The following OBSL1 variants were observed in gnomAD, a reference collection of about 807,000 sequenced individuals.
OBSL1 encodes the protein obscurin-like protein 1.
OBSL1 carries 160 observed loss-of-function variants against 172.0 expected under a neutral mutation model. The observed-to-expected ratio is 0.93, with a 90% CI of 0.82 to 1.06. The LOEUF (loss-of-function observed/expected upper bound fraction) is 1.06, where lower values mean the gene tolerates loss of function less well. Ranked by LOEUF, OBSL1 falls within the 50% of genes least tolerant of loss-of-function variation. The probability of loss-of-function intolerance (pLI) is 0.00; values close to 1 mark genes in which losing one functional copy is unlikely to be tolerated. For synonymous variants in OBSL1, 1,200 were observed against 1,196.3 expected (o/e 1.00, Z -0.06); for missense variants, 2,681 against 2,715.4 (o/e 0.99, Z 0.28).
Position 219,554,579 on chromosome 2 carries a change from C to G in OBSL1, c.4771G>C (p.Gly1591Arg). ...TTGAGTACCAGTCGGTGACGGTGGC[C>G]GTCCGAGTGGATGTGACACTTGGGT... ...PGPKCHIHSD[G>R]HRHRLVLNGL... The change falls in exon 15 of 21, where the codon GGC becomes CGC. Residue 1591 changes from glycine to arginine, a missense_variant. Physicochemically the swap from Gly to Arg is moderately radical, Grantham distance 125. Around this residue, in one of 5 missense-constraint regions of OBSL1, gnomAD observed 1,765 missense variants for 1,748.3 expected, o/e 1.01. Coordinates refer to ENST00000404537, the MANE Select transcript of OBSL1 (RefSeq NM_015311.3). The G allele has an allele frequency of 6.2e-7, 1 of 1,613,334 alleles. No individual in the cohort carries two copies. Among genetic ancestry groups the G allele is most frequent in the African/African-American group, 1.3e-5 (1 of 75,038 alleles).
chr2:219,557,542 C>T lies in OBSL1; in HGVS notation c.3867G>A (p.Leu1289=). ...VRSTPGGDLE[L]VVHLSGPGGP... ...CCCCTGGCCCGGAGAGGTGCACCAC[C>T]AGCTCTAGGTCCCCGCCTGGGGTGC... The change falls in exon 12 of 21, where the codon CTG becomes CTA. Residue 1289 remains leucine (L), a synonymous_variant. Transcript: ENST00000404537. 1 of 1,553,516 alleles carries T rather than the reference C, an allele frequency of 6.4e-7. No individual in the cohort carries two copies. Among genetic ancestry groups the T allele is most frequent in the East Asian group, 2.4e-5 (1 of 41,116 alleles).
At position 219,567,345 on chromosome 2, in the gene OBSL1, G is replaced by A; in HGVS notation, c.1765C>T (p.Arg589Cys). ...CCGCTGACTGTGCAGATGCGGAAGCGGTAGTCACCCTCGGAGGGCACACAG... is the reference window on the plus strand; with the variant it reads ...CCGCTGACTGTGCAGATGCGGAAGCAGTAGTCACCCTCGGAGGGCACACAG... ...GDCVPSEGDY[R>C]FRICTVSGHG... The change falls in exon 4 of 21, where the codon CGC becomes TGC. Residue 589 changes from arginine to cysteine, a missense_variant. Physicochemically the swap from Arg to Cys is radical, Grantham distance 180. Coordinates refer to ENST00000404537, the MANE Select transcript of OBSL1 (RefSeq NM_015311.3). 3.7e-6 allele frequency: 6 copies of A among 1,611,282 alleles called. No individual in the cohort carries two copies. The highest frequency in any genetic ancestry group is 5.1e-6 in the Non-Finnish European group (6 of 1,178,126).
At chr2:219,552,280 G>A in intron 18 of OBSL1, 64 bp from the exon 19 acceptor site, 1 of 1,453,430 alleles carries the variant, frequency 6.9e-7, no homozygotes, top group Non-Finnish European at 9.4e-7. Context: ...GGACGAAGGT[G>A]GGGGCCCAGC....
rs749299935 is a variant in OBSL1, at chr2:219,562,609, C to G, written c.2746G>C (p.Val916Leu). The G allele has an allele frequency of 1.8e-5, 29 of 1,606,134 alleles. No individual in the cohort carries two copies. The highest frequency in any genetic ancestry group is 2.4e-5 in the Non-Finnish European group (28 of 1,176,714). Residue 916 changes from valine (V) to leucine (L), a missense_variant, in exon 8 of 21, where the codon GTG (valine) becomes CTG (leucine). This residue lies in a region of OBSL1 where 1,765 missense variants were observed against 1,748.3 expected (regional missense o/e 1.01). Transcript: ENST00000404537. ...VYVAAVRLER[V>L]VLTCELCRPW... Reference sequence around the variant, plus strand: ...CGGCATAGCTCACAGGTCAGCACCACACGCTCCAGGCGCACGGCTGCCACA... The same window carrying G: ...CGGCATAGCTCACAGGTCAGCACCAGACGCTCCAGGCGCACGGCTGCCACA...
At position 219,570,402 on chromosome 2, in the gene OBSL1, G is replaced by T. The variant is rs747467482; in HGVS notation, c.831C>A (p.Ile277=). ...CYVMGKPEPE[I]EWHWEGRPLL... ...GCGGGCGGCCCTCCCAGTGCCATTCGATCTCGGGCTCGGGCTTGCCCATCA... is the reference window on the plus strand; with the variant it reads ...GCGGGCGGCCCTCCCAGTGCCATTCTATCTCGGGCTCGGGCTTGCCCATCA... Residue 277 remains isoleucine, a synonymous_variant, in exon 1 of 21, where the codon ATC becomes ATA. Transcript: ENST00000404537. 11 of 1,613,304 alleles carry T rather than the reference G, an allele frequency of 6.8e-6. No homozygotes were observed. In the Admixed American group the frequency reaches 1.8e-4, roughly 27 times the overall value.
Position 219,552,304 on chromosome 2 carries a change from G to T in OBSL1, c.5309-88C>A, listed in dbSNP as rs959747730. On this transcript the variant is annotated intron_variant, in intron 18 of 20. Coordinates refer to ENST00000404537, the MANE Select transcript of OBSL1 (RefSeq NM_015311.3). Reference sequence around the variant, plus strand: ...TGGGGGCCCAGCAGGCCCCTGGGTCGGTTCGGACGCCGTTAGTGTATGCTA... The same window carrying T: ...TGGGGGCCCAGCAGGCCCCTGGGTCTGTTCGGACGCCGTTAGTGTATGCTA... 46 of 1,257,182 alleles carry T rather than the reference G, an allele frequency of 3.7e-5. No individual in the cohort carries two copies. The Admixed American group carries it at 5.5e-4, about 15-fold the overall frequency. 77.9% of individuals were successfully genotyped at this position (1,257,182 alleles called of 1,614,324 possible).
chr2:219,553,032 C>A lies in OBSL1; in HGVS notation c.4990-8G>T. ...CGTAAGCGCGTTCCCGTCCTAGGGG[C>A]GGGAGTTGCAGAGGGTCGGGGCGAG... On this transcript the variant is annotated splice_region_variant and splice_polypyrimidine_tract_variant and intron_variant, in intron 16 of 20. Transcript: ENST00000404537. The A allele has an allele frequency of 6.7e-7, 1 of 1,498,222 alleles. No individual in the cohort carries two copies. The allele number at this position is 1,498,222 out of a possible 1,614,324, so 92.8% of individuals were successfully genotyped here.
chr2:219,553,778 C>CAGTAGAGGACACTAGCGAGTGGGGTTCG, intron 15 of OBSL1, 92 bp from the exon 16 acceptor site: 1 of 766,522 alleles, frequency 1.3e-6, no homozygotes, highest in East Asian at 2.8e-5. Context: ...GCACAACAGG[C>CAGTAGAGGACACTAGCGAGTGGGGTTCG]AGTAGAGGAC....
chr2:219,567,265 C>G lies in OBSL1; in HGVS notation c.1837+8G>C, dbSNP rs752595605. 18 of 1,583,974 alleles carry G rather than the reference C, an allele frequency of 1.1e-5. No homozygotes were observed. The highest frequency in any genetic ancestry group is 1.6e-5 in the Non-Finnish European group (18 of 1,161,024). On this transcript the variant is annotated splice_region_variant and intron_variant, in intron 4 of 20. Transcript: ENST00000404537. Reference sequence around the variant, plus strand: ...AAGTGATGGGTGGGTCTGGCAGGACCAACTCACCAAGGTGAGCAGAACCGT... The same window carrying G: ...AAGTGATGGGTGGGTCTGGCAGGACGAACTCACCAAGGTGAGCAGAACCGT...
intron 14 of OBSL1, 55 bp from the exon 15 acceptor site, chr2:219,554,795 T>A: frequency 6.7e-7 from 1 of 1,493,194 alleles, no homozygotes; most frequent in Non-Finnish European, 9.0e-7. Context: ...TGGGCAGGGG[T>A]TGCAGTCAAT....
rs1325932688 is a variant in OBSL1, at chr2:219,558,303, T to C, written c.3383A>G (p.Gln1128Arg). 1 of 1,612,472 alleles carries C rather than the reference T, an allele frequency of 6.2e-7. No individual in the cohort carries two copies. Among genetic ancestry groups the C allele is most frequent in the South Asian group, 1.1e-5 (1 of 90,766 alleles). The change falls in exon 10 of 21, where the codon CAG (glutamine) becomes CGG (arginine). Residue 1128 changes from glutamine (Q) to arginine (R), a missense_variant. This residue lies in a region of OBSL1 where 1,765 missense variants were observed against 1,748.3 expected (regional missense o/e 1.01). Coordinates refer to ENST00000404537, the MANE Select transcript of OBSL1 (RefSeq NM_015311.3). ...GCGGGTGGGCCCCTCGGCACCCAGC[T>C]GCAGGGCATCTGATGCCTCCACTTC... ...GLEVEASDAL[Q>R]LGAEGPTRTL...
chr2:219,552,380 G>A (rs1018676831), intron 18 of OBSL1, 156 bp downstream of exon 18: 5 of 857,472 alleles, frequency 5.8e-6, no homozygotes, highest in Non-Finnish European at 9.0e-6. Context: ...TCCGGGACTA[G>A]GGGCTGGGGG....
chr2:219,563,880 G>C (rs1461201611), intron 6 of OBSL1, among the ~76,000 whole-genome samples: 1 of 152,102 alleles, frequency 6.6e-6, no homozygotes, highest in Non-Finnish European at 1.5e-5. Flanking sequence ...AGTACATAGA[G>C]AGAAGGAAGC....
intron 8 of OBSL1, chr2:219,562,067 C>T (rs536453930): frequency 4.4e-5 from 31 of 707,954 alleles, no homozygotes; most frequent in African/African-American, 7.0e-5. Context: ...TACCCGTTTG[C>T]GACCCCTGGT....
At chr2:219,549,712 C>A (rs753533096), downstream of OBSL1, 20 of 1,613,474 alleles carry the variant, frequency 1.2e-5, no homozygotes, top group East Asian at 2.9e-4. Flanking sequence ...TTTGCTCCCC[C>A]ACAGAGCTAT....
At chr2:219,553,086 T>C (rs1375978184) in intron 16 of OBSL1, 62 bp from the exon 17 acceptor site, 1 of 1,407,398 alleles carries the variant, frequency 7.1e-7, no homozygotes, top group Non-Finnish European at 9.2e-7. Flanking sequence ...ACCCCGGCCC[T>C]GGCAGGCGGC....
At position 219,563,603 on chromosome 2, in the gene OBSL1, G is replaced by A. The variant is rs1260806087; in HGVS notation, c.2432C>T (p.Pro811Leu). 6.2e-7 allele frequency: 1 copy of A among 1,611,816 alleles called. No homozygotes were observed. Residue 811 changes from proline to leucine, a missense_variant, in exon 7 of 21, where the codon CCC becomes CTC. Physicochemically the swap from Pro to Leu is moderately conservative, Grantham distance 98. This residue lies in a region of OBSL1 where 1,765 missense variants were observed against 1,748.3 expected (regional missense o/e 1.01). Coordinates refer to ENST00000404537, the MANE Select transcript of OBSL1 (RefSeq NM_015311.3). ...GGCATGCACGAACACATGTTCTCGG[G>A]GGTCCACGATGTGCACGGGAGGATC... ...VQDPPVHIVD[P>L]REHVFVHAIT...
At chr2:219,562,074 T>A in intron 8 of OBSL1, 1 of 706,968 alleles carries the variant, frequency 1.4e-6, no homozygotes, top group South Asian at 1.5e-5. Context: ...TTGCGACCCC[T>A]GGTTAACAGC....
At chr2:219,556,420 GAC>G (rs756455997) in intron 13 of OBSL1, 32 bp downstream of exon 13, 1 of 1,611,418 alleles carries the variant, frequency 6.2e-7, no homozygotes, top group South Asian at 1.1e-5. Context: ...ACAGGCACGG[GAC>G]ACAGAGTATC....
Sources: gnomAD v4.1 joint callset for allele counts (sites outside exome capture counted in the v4.1 genomes callset) on GRCh38, gnomAD v4.1.1 for gene constraint, gnomAD v4.1.1 regional missense constraint, MANE v1.5 for transcripts, NCBI Gene and HGNC (gene_info 2026-07-23, HGNC 2026-07-21) for gene names.